UNC13C: variants seen among roughly 807,000 people sequenced by gnomAD.
The protein encoded by UNC13C is protein unc-13 homolog C.
In UNC13C, 174 loss-of-function variants were observed where a neutral mutation model predicts 245.4. The observed-to-expected ratio is 0.71, with a 90% CI of 0.63 to 0.80. UNC13C has a LOEUF of 0.80. Ranked by LOEUF, UNC13C falls within the 30% of genes least tolerant of loss-of-function variation. The pLI is 0.00. For synonymous variants in UNC13C, 992 were observed against 895.1 expected, an observed-to-expected ratio of 1.11 and a Z score of -1.93; for missense variants, 2,829 against 2,602.9, an observed-to-expected ratio of 1.09 and a Z score of -1.89.
rs75217339 is a variant in UNC13C, at chr15:54,422,610, A to G, written c.4933+7543A>G. The stretch of plus-strand genomic sequence containing the variant: ...CCTCATGACTTCCTTAACTGAGCCA[A>G]ATGTCTTCCCACACCAGGGCATTCA... On this transcript the variant is annotated intron_variant, in intron 19 of 32. Transcript: ENST00000260323. Among the ~76,000 whole-genome samples, 4 of 152,006 alleles carry G rather than the reference A, an allele frequency of 2.6e-5. No homozygotes were observed. The East Asian group carries it at 7.8e-4, about 30-fold the overall frequency.
chr15:54,050,381 G>A, intron 2 of UNC13C: 1 of 558,612 alleles, frequency 1.8e-6, no homozygotes, highest in South Asian at 1.4e-5. Context: ...TCCTTTTTCT[G>A]TACTTGATAA....
At chr15:54,459,382 C>G (rs939510963) in intron 19 of UNC13C, among the ~76,000 whole-genome samples, 1 of 152,104 alleles carries the variant, frequency 6.6e-6, no homozygotes, top group Non-Finnish European at 1.5e-5. Context: ...TAGGTGATGA[C>G]CTTTTTGTGA....
chr15:54,197,625 C>T (rs2034398738), intron 4 of UNC13C, among the ~76,000 whole-genome samples: 1 of 151,982 alleles, frequency 6.6e-6, no homozygotes, highest in Admixed American at 6.6e-5. Context: ...AAAACTTTGC[C>T]TGAAGTGCAT....
At chr15:54,235,842 T>A (rs2035682235) in intron 5 of UNC13C, among the ~76,000 whole-genome samples, 1 of 152,038 alleles carries the variant, frequency 6.6e-6, no homozygotes, top group Non-Finnish European at 1.5e-5. Context: ...AGAGCGAGAC[T>A]CCGTCTCAAA....
chr15:53,957,385 G>C, the UNC13C span, among the ~76,000 whole-genome samples: 65,698 of 152,016 alleles, frequency 0.43, 14,416 homozygotes, highest in East Asian at 0.61. Flanking sequence ...TGCCCACCTT[G>C]GCTTCCCAAA....
chr15:54,481,251 C>T (rs1423803379), intron 19 of UNC13C, among the ~76,000 whole-genome samples: 2 of 151,804 alleles, frequency 1.3e-5, no homozygotes, highest in Non-Finnish European at 2.9e-5. Context: ...CGTCAGTATG[C>T]ATAACATTGG....
chr15:54,368,900 G>T (rs559053057), intron 17 of UNC13C, among the ~76,000 whole-genome samples: 1 of 152,024 alleles, frequency 6.6e-6, no homozygotes, highest in Non-Finnish European at 1.5e-5. Context: ...TAAAGCTGAG[G>T]AGTCTATTTC....
At chr15:53,959,108 G>C in the UNC13C span, among the ~76,000 whole-genome samples, 6 of 152,044 alleles carry the variant, frequency 3.9e-5, no homozygotes, top group Admixed American at 3.3e-4. Context: ...CATCCACGTT[G>C]CTGTAAATGA....
At chr15:53,865,851 T>C in the UNC13C span, among the ~76,000 whole-genome samples, 1 of 152,284 alleles carries the variant, frequency 6.6e-6, no homozygotes, top group South Asian at 2.1e-4. Context: ...TCCAGTTAAA[T>C]GTAAGTTGAC....
chr15:54,025,513 G>C (rs544091661), intron 2 of UNC13C, among the ~76,000 whole-genome samples: 35 of 152,294 alleles, frequency 2.3e-4, no homozygotes, highest in African/African-American at 8.2e-4. Context: ...ACCTATCTAA[G>C]AGGAGGGGGA....
chr15:53,875,478 C>T, the UNC13C span, among the ~76,000 whole-genome samples: 1 of 152,060 alleles, frequency 6.6e-6, no homozygotes, highest in Admixed American at 6.6e-5. Context: ...AGGACAATAG[C>T]AGGAGGTTGC....
At chr15:54,379,535 A>G (rs564577634) in intron 17 of UNC13C, among the ~76,000 whole-genome samples, 44 of 152,248 alleles carry the variant, frequency 2.9e-4, no homozygotes, top group African/African-American at 1.1e-3. Flanking sequence ...GTTACCTTTT[A>G]CAGTGAACTT....
intron 20 of UNC13C, among the ~76,000 whole-genome samples, chr15:54,498,159 T>C (rs537521715): frequency 1.6e-4 from 25 of 152,086 alleles, no homozygotes; most frequent in Non-Finnish European, 3.2e-4. Flanking sequence ...CATCCAGAGT[T>C]TCCATAATTT....
chr15:54,001,262 A>G (rs1367732020), intron 1 of UNC13C, among the ~76,000 whole-genome samples: 2 of 152,216 alleles, frequency 1.3e-5, no homozygotes, highest in African/African-American at 4.8e-5. Context: ...GTTAGATCCT[A>G]TAATACATGT....
At chr15:54,342,873 G>C (rs1246796170) in intron 17 of UNC13C, among the ~76,000 whole-genome samples, 2 of 152,012 alleles carry the variant, frequency 1.3e-5, no homozygotes, top group African/African-American at 4.8e-5. Flanking sequence ...CCACATACTT[G>C]TTCATAACTT....
At chr15:54,377,383 C>T (rs1245884229) in intron 17 of UNC13C, among the ~76,000 whole-genome samples, 4 of 152,196 alleles carry the variant, frequency 2.6e-5, no homozygotes, top group African/African-American at 7.2e-5. Flanking sequence ...CTATCCTTAA[C>T]CCTCCACACT....
chr15:54,357,997 T>C (rs1324097519), intron 17 of UNC13C, among the ~76,000 whole-genome samples: 2 of 152,134 alleles, frequency 1.3e-5, no homozygotes, highest in African/African-American at 2.4e-5. Context: ...ATTAACTCTT[T>C]TTATTTAAAA....
At chr15:54,632,298 C>T (rs947721822), downstream of UNC13C, 2 of 152,168 alleles carry the variant, frequency 1.3e-5, no homozygotes, top group African/African-American at 2.4e-5. Context: ...ATTTTTATAA[C>T]AACCTCTTTA....
rs143407352 is a variant in UNC13C at position 54,449,445 on chromosome 15, C to T, written c.4933+34378C>T. Among the ~76,000 whole-genome samples, 768 of 152,276 alleles carry T rather than the reference C, an allele frequency of 5.0e-3. 5 individuals are homozygous for T. The highest frequency in any genetic ancestry group is 0.017 in the African/African-American group (718 of 41,556). On this transcript the variant is annotated intron_variant, in intron 19 of 32. Transcript: ENST00000260323. ...TGTAGATTTGGTCTTTTCGCACAGT[C>T]CCATATTTCCTTGAGGCTTTGTTTG...
Sources: allele counts gnomAD v4.1 joint callset (sites outside exome capture counted in the v4.1 genomes callset), GRCh38; gene constraint gnomAD v4.1.1; transcripts MANE v1.5; gene names NCBI Gene and HGNC (gene_info 2026-07-23, HGNC 2026-07-21).